USP7: variants seen among roughly 807,000 people sequenced by gnomAD.
USP7 encodes the protein ubiquitin C-terminal hydrolase 7.
Under a neutral mutation model 162.9 loss-of-function variants are expected in USP7, and 9 were observed. The ratio of observed to expected loss-of-function variants is 0.06; its 90% CI spans 0.03 to 0.10. The LOEUF is 0.10. Ranked by LOEUF, USP7 falls within the 10% of genes least tolerant of loss-of-function variation. The pLI is 1.00. For missense variants in USP7, 715 were observed against 1,373.7 expected, an observed-to-expected ratio of 0.52 and a Z score of 7.58; for synonymous variants, 562 against 475.9, an observed-to-expected ratio of 1.18 and a Z score of -2.35.
intron 1 of USP7, among the ~76,000 whole-genome samples, chr16:8,932,948 G>C (rs1387401685): frequency 6.6e-6 from 1 of 151,910 alleles, no homozygotes; most frequent in Non-Finnish European, 1.5e-5. Flanking sequence ...CATTCCAATG[G>C]AATTTTTTTT....
At chr16:8,909,382 C>T (rs931577254) in intron 11 of USP7, among the ~76,000 whole-genome samples, 1 of 152,172 alleles carries the variant, frequency 6.6e-6, no homozygotes, top group Non-Finnish European at 1.5e-5. Flanking sequence ...CTTTGGTGTA[C>T]ATCAGCTCAT....
intron 6 of USP7, among the ~76,000 whole-genome samples, chr16:8,917,826 G>A (rs1031944978): frequency 6.6e-6 from 1 of 151,722 alleles, no homozygotes; most frequent in Admixed American, 6.6e-5. Flanking sequence ...GTCTTGCTCT[G>A]TCACCCAGGC....
At chr16:8,914,599 G>A (rs1318149214) in intron 10 of USP7, among the ~76,000 whole-genome samples, 1 of 152,178 alleles carries the variant, frequency 6.6e-6, no homozygotes, top group East Asian at 1.9e-4. Flanking sequence ...CAGCGTGGAT[G>A]TATCTCATGA....
At chr16:8,962,458 G>A (rs1251346159) in intron 1 of USP7, 3 of 447,360 alleles carry the variant, frequency 6.7e-6, no homozygotes, top group Non-Finnish European at 1.4e-5. Flanking sequence ...CTGCCACATC[G>A]GCAGAAAACC....
At chr16:8,928,760 C>T (rs2141226888) in intron 2 of USP7, among the ~76,000 whole-genome samples, 2 of 152,314 alleles carry the variant, frequency 1.3e-5, no homozygotes, top group South Asian at 4.1e-4. Context: ...ACAAGAAGGG[C>T]ATTTCCACTT....
chr16:8,933,187 G>A (rs1467723461), intron 1 of USP7, among the ~76,000 whole-genome samples: 1 of 152,116 alleles, frequency 6.6e-6, no homozygotes, highest in African/African-American at 2.4e-5. Context: ...TGATCCACCT[G>A]CCGTGGCCTC....
chr16:8,928,345 A>G (rs951624299), intron 2 of USP7, among the ~76,000 whole-genome samples: 4 of 152,206 alleles, frequency 2.6e-5, no homozygotes, highest in Non-Finnish European at 2.9e-5. Context: ...ACTCAAAAAA[A>G]GGGGGAGCTC....
chr16:8,898,225 C>T, intron 25 of USP7, 135 bp downstream of exon 25: 3 of 761,612 alleles, frequency 3.9e-6, no homozygotes, highest in Middle Eastern at 7.8e-4. Context: ...TGGCCCAGGG[C>T]TCCCCCAGCC....
rs192889440 is a variant in USP7, at chr16:8,892,364, G to A, written c.*1634C>T. 1 of 152,312 alleles carries A rather than the reference G, an allele frequency of 6.6e-6. No individual in the cohort carries two copies. Among genetic ancestry groups the A allele is most frequent in the African/African-American group, 2.4e-5 (1 of 41,430 alleles). The allele number at this position is 152,312 out of a possible 1,614,324, so 9.4% of individuals were successfully genotyped here. A position where few individuals can be genotyped will look rare whatever the true frequency, so the allele number is the denominator to read the frequency against. Reference sequence around the variant, plus strand: ...TCTCAGAGCAGAAGGCACACACACTGCAGTGGAAGTTGAGAAAGGAAGTCA... The same window carrying A: ...TCTCAGAGCAGAAGGCACACACACTACAGTGGAAGTTGAGAAAGGAAGTCA... On this transcript the variant is annotated 3_prime_UTR_variant, in exon 31 of 31. Transcript: ENST00000344836.
At chr16:8,923,766 C>T (rs900812191) in intron 2 of USP7, among the ~76,000 whole-genome samples, 1 of 152,108 alleles carries the variant, frequency 6.6e-6, no homozygotes, top group African/African-American at 2.4e-5. Context: ...CGACATGGCT[C>T]ATATCTGTTC....
At chr16:8,931,247 G>T (rs1250622583) in intron 1 of USP7, among the ~76,000 whole-genome samples, 1 of 151,064 alleles carries the variant, frequency 6.6e-6, no homozygotes, top group Non-Finnish European at 1.5e-5. Context: ...GGAGTGCAGT[G>T]GCGCAATCTC....
At chr16:8,942,400 A>G (rs1171874881) in intron 1 of USP7, among the ~76,000 whole-genome samples, 1 of 152,156 alleles carries the variant, frequency 6.6e-6, no homozygotes, top group Non-Finnish European at 1.5e-5. Context: ...GGGTCTCCTG[A>G]CAAGCTCCTT....
chr16:8,940,098 C>T (rs1413856226), intron 1 of USP7, among the ~76,000 whole-genome samples: 1 of 145,234 alleles, frequency 6.9e-6, no homozygotes, highest in South Asian at 2.2e-4. Flanking sequence ...ACTCTGTCTC[C>T]AAAAAAAAAA....
intron 1 of USP7, among the ~76,000 whole-genome samples, chr16:8,956,778 A>AAC (rs1555472210): frequency 6.7e-5 from 10 of 149,870 alleles, no homozygotes; most frequent in African/African-American, 1.7e-4. Context: ...AACAAAAACA[A>AAC]AAAAAAAAAA....
chr16:8,908,852 C>T (rs1158912787), intron 11 of USP7, among the ~76,000 whole-genome samples: 1 of 152,188 alleles, frequency 6.6e-6, no homozygotes, highest in Non-Finnish European at 1.5e-5. Context: ...GTTACAATTA[C>T]CCAAGATTAG....
intron 2 of USP7, among the ~76,000 whole-genome samples, chr16:8,929,858 C>G (rs770960061): frequency 6.6e-6 from 1 of 152,194 alleles, no homozygotes; most frequent in Non-Finnish European, 1.5e-5. Flanking sequence ...GATTTCATCC[C>G]TAACAGGAGC....
intron 1 of USP7, among the ~76,000 whole-genome samples, chr16:8,933,292 T>A (rs969424021): frequency 3.3e-5 from 5 of 151,946 alleles, no homozygotes; most frequent in Non-Finnish European, 5.9e-5. Flanking sequence ...GCCTATATAA[T>A]CCCAGCACTT....
rs775079273 is a variant in USP7, at chr16:8,956,778, A to AAAC, written c.79+6428_79+6429insGTT. ...ACTTCGTATTAAAAAAACAAAAACA[A>AAAC]AAAAAAAAAAACACTGAATTTGCTT... On this transcript the variant is annotated intron_variant, in intron 1 of 30. Transcript: ENST00000344836. Among the ~76,000 whole-genome samples the AAAC allele has an allele frequency of 5.4e-3, 805 of 149,976 alleles. 4 individuals carry two copies. Among genetic ancestry groups the AAAC allele is most frequent in the Middle Eastern group, 0.017 (5 of 294 alleles).
chr16:8,898,889 A>G (rs1016523693), intron 23 of USP7, among the ~76,000 whole-genome samples: 4 of 152,208 alleles, frequency 2.6e-5, no homozygotes, highest in Non-Finnish European at 5.9e-5. Context: ...CACATGGGAG[A>G]TGCACTGAGG....
Sources: gnomAD v4.1 joint callset for allele counts (sites outside exome capture counted in the v4.1 genomes callset) on GRCh38, gnomAD v4.1.1 for gene constraint, MANE v1.5 for transcripts, NCBI Gene and HGNC (gene_info 2026-07-23, HGNC 2026-07-21) for gene names.